CNIH3: variants seen among roughly 807,000 people sequenced by gnomAD.
CNIH3 encodes cornichon family AMPA receptor auxiliary protein 3, also known as protein cornichon homolog 3.
In CNIH3, 14 loss-of-function variants were observed where a neutral mutation model predicts 24.1. The observed-to-expected ratio is 0.58, with a 90% CI of 0.38 to 0.91. CNIH3 has a LOEUF of 0.91. Ranked by LOEUF, CNIH3 falls within the 40% of genes least tolerant of loss-of-function variation. CNIH3 has a pLI of 0.00. For missense variants in CNIH3, 178 were observed against 196.8 expected (o/e 0.90, Z 0.57); for synonymous variants, 68 against 73.8 (o/e 0.92, Z 0.40).
intron 1 of CNIH3, among the ~76,000 whole-genome samples, chr1:224,457,819 T>C (rs1675744468): frequency 6.6e-6 from 1 of 152,244 alleles, no homozygotes; most frequent in Admixed American, 6.5e-5. Flanking sequence ...ATTTTATAAA[T>C]TAGTGATTAT....
chr1:224,471,880 G>C (rs184962913), intron 1 of CNIH3, among the ~76,000 whole-genome samples: 1 of 152,194 alleles, frequency 6.6e-6, no homozygotes, highest in Admixed American at 6.5e-5. Flanking sequence ...GTGAGCCACC[G>C]TGCCCGGCCT....
chr1:224,707,358 C>T (rs559352030), intron 3 of CNIH3, among the ~76,000 whole-genome samples: 1 of 152,088 alleles, frequency 6.6e-6, no homozygotes, highest in Non-Finnish European at 1.5e-5. Flanking sequence ...GCAACAAGCC[C>T]AAAACACACT....
intron 1 of CNIH3, among the ~76,000 whole-genome samples, chr1:224,659,608 G>A (rs907838606): frequency 1.1e-4 from 17 of 152,108 alleles, no homozygotes; most frequent in African/African-American, 3.4e-4. Flanking sequence ...AGAAGAAACC[G>A]GGAAACGAGT....
intron 3 of CNIH3, among the ~76,000 whole-genome samples, chr1:224,559,054 C>T (rs186280891): frequency 1.2e-4 from 18 of 152,254 alleles, no homozygotes; most frequent in African/African-American, 3.4e-4. Context: ...ACCTAAAGTA[C>T]GTTGGTAAAA....
intron 2 of CNIH3, among the ~76,000 whole-genome samples, chr1:224,530,321 A>G (rs1434506757): frequency 6.6e-6 from 1 of 152,214 alleles, no homozygotes; most frequent in Non-Finnish European, 1.5e-5. Flanking sequence ...GTACAGAGTA[A>G]ATTAAGTCCC....
intron 1 of CNIH3, among the ~76,000 whole-genome samples, chr1:224,453,256 G>T (rs1413723994): frequency 6.6e-6 from 1 of 151,902 alleles, no homozygotes; most frequent in African/African-American, 2.4e-5. Flanking sequence ...CTGCAGCCTC[G>T]ACTTCCTGGG....
At chr1:224,731,271 A>G (rs1572833876) in intron 4 of CNIH3, among the ~76,000 whole-genome samples, 1 of 152,068 alleles carries the variant, frequency 6.6e-6, no homozygotes, top group Admixed American at 6.5e-5. Context: ...TATGTAAATT[A>G]TATCTTAATA....
intron 3 of CNIH3, among the ~76,000 whole-genome samples, chr1:224,555,646 T>C (rs1680103843): frequency 6.6e-6 from 1 of 152,272 alleles, no homozygotes; most frequent in African/African-American, 2.4e-5. Context: ...TGTTTACAAA[T>C]GTAATGAAAT....
chr1:224,543,696 G>A (rs1679599593), intron 2 of CNIH3, among the ~76,000 whole-genome samples: 1 of 152,148 alleles, frequency 6.6e-6, no homozygotes, highest in Admixed American at 6.6e-5. Context: ...TGCCAGACTT[G>A]CTTCCTGCCT....
chr1:224,625,439 C>G (rs900701784), intron 1 of CNIH3, among the ~76,000 whole-genome samples: 2 of 152,062 alleles, frequency 1.3e-5, no homozygotes, highest in South Asian at 4.2e-4. Flanking sequence ...GCCTATAGTC[C>G]CAGCTACTCG....
intron 1 of CNIH3, among the ~76,000 whole-genome samples, chr1:224,478,570 C>A (rs1220298450): frequency 6.6e-6 from 1 of 152,132 alleles, no homozygotes; most frequent in Non-Finnish European, 1.5e-5. Context: ...TCTTGAATTT[C>A]TTTGAGTTTT....
intron 1 of CNIH3, among the ~76,000 whole-genome samples, chr1:224,628,587 C>T (rs990996230): frequency 2.6e-5 from 4 of 152,068 alleles, no homozygotes. Flanking sequence ...CTTCAAGGTT[C>T]ATCATATTGT....
intron 3 of CNIH3, among the ~76,000 whole-genome samples, chr1:224,705,845 C>A (rs1414710352): frequency 7.5e-6 from 1 of 133,758 alleles, no homozygotes; most frequent in Non-Finnish European, 1.6e-5. Flanking sequence ...TTCTCTCTTT[C>A]TTTTCTTTTT....
chr1:224,444,805 C>T (rs1004939195), intron 1 of CNIH3, among the ~76,000 whole-genome samples: 5 of 151,836 alleles, frequency 3.3e-5, no homozygotes, highest in South Asian at 4.2e-4. Context: ...CCACCACGCC[C>T]GGCTAATTTT....
chr1:224,617,352 C>T lies in CNIH3; in HGVS notation c.81+97C>T, dbSNP rs1683058852. The T allele has an allele frequency of 5.9e-6, 8 of 1,352,870 alleles. No individual in the cohort carries two copies. In the South Asian group the frequency reaches 1.0e-4, roughly 18 times the overall value. The allele number at this position is 1,352,870 out of a possible 1,614,324, so 83.8% of individuals were successfully genotyped here. On this transcript the variant is annotated intron_variant, in intron 1 of 5. Transcript: ENST00000272133. ...TTCCACCTTGCGGGCGTGGGCGAACCGGAAGGTTGGACCTTCTGCCGCTCC... is the reference window on the plus strand; with the variant it reads ...TTCCACCTTGCGGGCGTGGGCGAACTGGAAGGTTGGACCTTCTGCCGCTCC...
At chr1:224,551,899 T>C (rs1679938022) in intron 3 of CNIH3, among the ~76,000 whole-genome samples, 1 of 151,450 alleles carries the variant, frequency 6.6e-6, no homozygotes, top group African/African-American at 2.4e-5. Flanking sequence ...AAGGGAGTTA[T>C]ACTACTAATA....
Position 224,681,843 on chromosome 1 carries a change from A to G in CNIH3, c.150+817A>G, listed in dbSNP as rs148848290. Among the ~76,000 whole-genome samples the G allele has an allele frequency of 2.0e-5, 3 of 152,300 alleles. No individual in the cohort carries two copies. The East Asian group carries it at 5.8e-4, about 29-fold the overall frequency. On this transcript the variant is annotated intron_variant, in intron 2 of 5. Transcript: ENST00000272133. ...CACTTCTGAGTTCAAAGGGTGGTGCACACACAGTTCATTCAAGTGTGTTTC... is the reference window on the plus strand; with the variant it reads ...CACTTCTGAGTTCAAAGGGTGGTGCGCACACAGTTCATTCAAGTGTGTTTC...
At chr1:224,705,644 G>A (rs1441773123) in intron 3 of CNIH3, among the ~76,000 whole-genome samples, 1 of 152,104 alleles carries the variant, frequency 6.6e-6, no homozygotes, top group Non-Finnish European at 1.5e-5. Context: ...GTGAAGGGAG[G>A]GGACATGGTG....
At chr1:224,683,867 A>T (rs56166009) in intron 2 of CNIH3, among the ~76,000 whole-genome samples, 3,197 of 152,292 alleles carry the variant, frequency 0.021, 105 homozygotes, top group African/African-American at 0.068. Flanking sequence ...TGTGAGGAGG[A>T]TGCAGTGTGT....
Sources: gnomAD v4.1 joint callset for allele counts (sites outside exome capture counted in the v4.1 genomes callset) on GRCh38, gnomAD v4.1.1 for gene constraint, MANE v1.5 for transcripts, NCBI Gene and HGNC (gene_info 2026-07-23, HGNC 2026-07-21) for gene names.